The following HPSE variants were observed in gnomAD, a reference collection of about 807,000 sequenced individuals.
HPSE encodes heparanase.
HPSE carries 48 observed loss-of-function variants against 65.1 expected under a neutral mutation model. The ratio of observed to expected loss-of-function variants is 0.74; its 90% CI spans 0.58 to 0.94. The LOEUF (loss-of-function observed/expected upper bound fraction) is 0.94. Ranked by LOEUF, HPSE falls within the 40% of genes least tolerant of loss-of-function variation. HPSE has a pLI of 0.00. For missense variants in HPSE, 644 were observed against 637.5 expected (o/e 1.01, Z -0.11); for synonymous variants, 243 against 260.0 (o/e 0.93, Z 0.63).
chr4:83,303,024 T>C (rs949338798), intron 9 of HPSE, among the ~76,000 whole-genome samples: 1 of 152,092 alleles, frequency 6.6e-6, no homozygotes, highest in Non-Finnish European at 1.5e-5. Context: ...TAAAACCTTA[T>C]TCCCCCCACC....
rs1422107630 is a variant in HPSE at position 83,313,279 on chromosome 4, C to T, written c.508G>A (p.Val170Ile). Residue 170 changes from valine to isoleucine, a missense_variant, in exon 4 of 12, where the codon GTA (valine) becomes ATA (isoleucine). Coordinates refer to ENST00000311412, the MANE Select transcript of HPSE (RefSeq NM_001098540.3). ...FKNSTYSRSS[V>I]DVLYTFANCS... is the part of the protein sequence containing the mutation. ...TTTGCAAAAGTGTATAGCACATCTA[C>T]AGAGCTTCCTAAAAGAAAAACGTCA... 2 of 1,605,552 alleles carry T rather than the reference C, an allele frequency of 1.2e-6. No individual in the cohort carries two copies. The highest frequency in any genetic ancestry group is 2.7e-5 in the African/African-American group (2 of 74,548).
chr4:83,326,132 G>C lies in HPSE; in HGVS notation c.228-3768C>G, dbSNP rs558212019. 1.3e-5 allele frequency among the ~76,000 whole-genome samples: 2 copies of C among 152,198 alleles called. No homozygotes were observed. Among genetic ancestry groups the C allele is most frequent in the Non-Finnish European group, 2.9e-5 (2 of 68,036 alleles). On this transcript the variant is annotated intron_variant, in intron 1 of 11. Transcript: ENST00000311412. This position sits in a 1 kb window ranked among gnomAD's most constrained non-coding sequence, Gnocchi z 4.2. ...CTGGTCATGTTAACGTAGACAAAAC[G>C]TGATGGACTGAGGTAAGGTAACAGC...
rs568935352 is a variant in HPSE, at chr4:83,305,468, C to T, written c.1206+735G>A. On this transcript the variant is annotated intron_variant, in intron 9 of 11. Transcript: ENST00000311412. ...AAAGCCTAGCTTATATTTTCACGTA[C>T]GCTCTTTGCAAAATTTCTTAGCTTT... is the stretch of plus-strand genomic sequence containing the variant. 1.2e-3 allele frequency among the ~76,000 whole-genome samples: 176 copies of T among 152,270 alleles called. 1 individual carries two copies. The highest frequency in any genetic ancestry group is 3.8e-3 in the African/African-American group (159 of 41,552).
In HPSE at chr4:83,310,866, G is replaced by C. The variant is rs12512551; in HGVS notation, c.698C>G (p.Ala233Gly). The change falls in exon 5 of 12, where the codon GCT becomes GGT. Residue 233 changes from alanine (A) to glycine (G), a missense_variant. By Grantham distance (60) the Ala-to-Gly change is moderately conservative. Transcript: ENST00000311412. ...CTGCGACCCATTGATGAAAATATCA[G>C]CCTTCTTAAGGAAACTGTTAGGTTC... is the stretch of plus-strand genomic sequence containing the variant. The part of the protein sequence containing the change: ...GNEPNSFLKK[A>G]DIFINGSQLG... 3.9e-3 allele frequency: 6,304 copies of C among 1,613,302 alleles called. 240 individuals carry two copies. The Admixed American group carries it at 0.073, about 19-fold the overall frequency.
intron 11 of HPSE, 108 bp from the exon 12 acceptor site, chr4:83,295,611 C>T (rs1735695964): frequency 2.6e-6 from 2 of 779,892 alleles, no homozygotes; most frequent in African/African-American, 3.5e-5. Context: ...TTTTTTGTGG[C>T]AGCCTATATT....
At chr4:83,295,598 T>A (rs959302725) in intron 11 of HPSE, 95 bp from the exon 12 acceptor site, 110 of 969,032 alleles carry the variant, frequency 1.1e-4, no homozygotes, top group Non-Finnish European at 1.4e-4. Context: ...ACCAAATAAA[T>A]TTTTTTTTGT....
chr4:83,299,756 G>A (rs1735869794), intron 11 of HPSE, among the ~76,000 whole-genome samples: 1 of 151,924 alleles, frequency 6.6e-6, no homozygotes. Context: ...CAGGCTGGGT[G>A]ACAGAGGCAC....
rs1263589946 is a variant in HPSE at position 83,325,612 on chromosome 4, A to G, written c.228-3248T>C. Among the ~76,000 whole-genome samples, 4 of 152,202 alleles carry G rather than the reference A, an allele frequency of 2.6e-5. No individual in the cohort carries two copies. In the East Asian group the frequency reaches 7.7e-4, roughly 29 times the overall value. ...GAGATGAATGGTGAACCAGGCAGAG[A>G]TAGTGGCTGTTCTCATACAATTTGT... On this transcript the variant is annotated intron_variant, in intron 1 of 11. Coordinates refer to ENST00000311412, the MANE Select transcript of HPSE (RefSeq NM_001098540.3).
intron 6 of HPSE, 46 bp downstream of exon 6, chr4:83,309,985 A>G (rs749834578): frequency 7.2e-7 from 1 of 1,391,480 alleles, no homozygotes; most frequent in Non-Finnish European, 1.0e-6. Flanking sequence ...GTAATAAATA[A>G]AGCTAGCCTT....
chr4:83,333,839 C>A (rs1737496491), intron 1 of HPSE, among the ~76,000 whole-genome samples: 1 of 52,962 alleles, frequency 1.9e-5, no homozygotes, highest in African/African-American at 7.2e-5. Context: ...CCCTTTTCAT[C>A]TGCCTAAAAA....
intron 11 of HPSE, 30 bp from the exon 12 acceptor site, chr4:83,295,533 C>G (rs778180409): frequency 6.6e-7 from 1 of 1,523,844 alleles, no homozygotes; most frequent in Non-Finnish European, 8.9e-7. Context: ...ACCGAGTTAA[C>G]CAAGTGGTGC....
At chr4:83,298,793 T>C (rs1323905922) in intron 11 of HPSE, among the ~76,000 whole-genome samples, 1 of 151,904 alleles carries the variant, frequency 6.6e-6, no homozygotes, top group Non-Finnish European at 1.5e-5. Flanking sequence ...GCACCACTAC[T>C]CTCCAGCCTG....
Position 83,326,192 on chromosome 4 carries a change from C to A in HPSE, c.228-3828G>T, listed in dbSNP as rs1300879605. 3.9e-5 allele frequency among the ~76,000 whole-genome samples: 6 copies of A among 152,172 alleles called. No individual in the cohort carries two copies. The highest frequency in any genetic ancestry group is 1.4e-4 in the African/African-American group (6 of 41,436). ...GAGAGAGATGGATAAATTCAAGACA[C>A]ACTTAGAGGTAGAAATAATAGATTT... On this transcript the variant is annotated intron_variant, in intron 1 of 11. Coordinates refer to ENST00000311412, the MANE Select transcript of HPSE (RefSeq NM_001098540.3). This position sits in a 1 kb window ranked among gnomAD's most constrained non-coding sequence, Gnocchi z 4.2.
chr4:83,319,849 T>A (rs1409894037), intron 2 of HPSE, among the ~76,000 whole-genome samples: 1 of 151,752 alleles, frequency 6.6e-6, no homozygotes, highest in Non-Finnish European at 1.5e-5. Flanking sequence ...TCACTTGAGG[T>A]CAGGAGTTCG....
At chr4:83,323,515 ACAC>A (rs1241758841) in intron 1 of HPSE, among the ~76,000 whole-genome samples, 19 of 152,126 alleles carry the variant, frequency 1.2e-4, no homozygotes, top group African/African-American at 3.6e-4. Context: ...ACACACACAC[ACAC>A]ACACACACAC....
chr4:83,305,338 C>T (rs1736109917), intron 9 of HPSE, among the ~76,000 whole-genome samples: 1 of 152,142 alleles, frequency 6.6e-6, no homozygotes, highest in African/African-American at 2.4e-5. Context: ...TTTGCAAGAT[C>T]ACTTTTCTAA....
In HPSE at chr4:83,298,082, T is replaced by C. The variant is rs150226951; in HGVS notation, c.1473-2579A>G. ...AGCTGTATATTTATCTAAAAGATGCTACACATATATCAAGGGTAAGCTTAA... is the reference window on the plus strand; with the variant it reads ...AGCTGTATATTTATCTAAAAGATGCCACACATATATCAAGGGTAAGCTTAA... On this transcript the variant is annotated intron_variant, in intron 11 of 11. Coordinates refer to ENST00000311412, the MANE Select transcript of HPSE (RefSeq NM_001098540.3). Among the ~76,000 whole-genome samples, 8 of 152,348 alleles carry C rather than the reference T, an allele frequency of 5.3e-5. 1 individual carries two copies. The highest frequency in any genetic ancestry group is 1.0e-4 in the Non-Finnish European group (7 of 68,034).
chr4:83,296,177 T>C (rs913512390), intron 11 of HPSE, among the ~76,000 whole-genome samples: 2 of 152,222 alleles, frequency 1.3e-5, no homozygotes, highest in African/African-American at 4.8e-5. Context: ...AAAAGTGTTA[T>C]TTCTTATACA....
chr4:83,315,191 C>G (rs1199212291), intron 3 of HPSE, among the ~76,000 whole-genome samples: 3 of 151,452 alleles, frequency 2.0e-5, no homozygotes, highest in Non-Finnish European at 4.4e-5. Flanking sequence ...TTAATATTAA[C>G]TATAAAGACC....
Sources: allele counts gnomAD v4.1 joint callset (sites outside exome capture counted in the v4.1 genomes callset), GRCh38; gene constraint gnomAD v4.1.1; non-coding constraint Gnocchi (gnomAD v3.1); transcripts MANE v1.5; gene names NCBI Gene and HGNC (gene_info 2026-07-23, HGNC 2026-07-21).